Variants in CELF4 observed in about 807,000 individuals in gnomAD.
The protein encoded by CELF4 is CUG-BP- and ETR-3-like factor 4.
CELF4 carries 18 observed loss-of-function variants against 59.9 expected under a neutral mutation model. The ratio of observed to expected loss-of-function variants is 0.30; its 90% confidence interval spans 0.21 to 0.45. The LOEUF (loss-of-function observed/expected upper bound fraction) is 0.45, where lower values mean the gene tolerates loss of function less well. Ranked by LOEUF, CELF4 falls within the 20% of genes least tolerant of loss-of-function variation. The pLI is 1.00. For missense variants in CELF4, 456 were observed against 689.0 expected (o/e 0.66, Z 3.79); for synonymous variants, 261 against 267.1 (o/e 0.98, Z 0.22).
chr18:37,483,843 A>T (rs1484480852), intron 2 of CELF4, among the ~76,000 whole-genome samples: 1 of 152,218 alleles, frequency 6.6e-6, no homozygotes, highest in Admixed American at 6.5e-5. Context: ...TGTGACCTTT[A>T]ATGTAATTAC....
intron 2 of CELF4, among the ~76,000 whole-genome samples, chr18:37,323,189 G>A (rs773395233): frequency 3.3e-5 from 5 of 152,098 alleles, no homozygotes; most frequent in Non-Finnish European, 7.3e-5. Context: ...TGGCCGGGAA[G>A]GACAGAGATG....
intron 1 of CELF4, among the ~76,000 whole-genome samples, chr18:37,549,653 A>T (rs766978495): frequency 3.9e-5 from 6 of 152,170 alleles, no homozygotes; most frequent in Non-Finnish European, 8.8e-5. Flanking sequence ...CAATAGGGAT[A>T]AAAAGAGGTA....
At chr18:37,259,373 GC>G in intron 10 of CELF4, 109 bp from the exon 11 acceptor site, 2 of 257,512 alleles carry the variant, frequency 7.8e-6, no homozygotes, top group Admixed American at 4.3e-5. Flanking sequence ...AGGGGTGGGG[GC>G]AAGGTTAGGA....
At chr18:37,281,619 T>TG (rs1467579347) in intron 3 of CELF4, among the ~76,000 whole-genome samples, 1 of 152,100 alleles carries the variant, frequency 6.6e-6, no homozygotes, top group Non-Finnish European at 1.5e-5. Context: ...GGCAGCAGTT[T>TG]GGGGGTGCAG....
In CELF4 at chr18:37,264,691, G is replaced by A; in HGVS notation, c.1232C>T (p.Pro411Leu). The A allele has an allele frequency of 6.3e-7, 1 of 1,578,066 alleles. No homozygotes were observed. The highest frequency in any genetic ancestry group is 8.6e-7 in the Non-Finnish European group (1 of 1,161,042). Residue 411 changes from proline (P) to leucine (L), a missense_variant, in exon 10 of 13, where the codon CCC (proline) becomes CTC (leucine). Physicochemically the swap from Pro to Leu is moderately conservative, Grantham distance 98 (BLOSUM62 -3). Coordinates refer to ENST00000420428, the MANE Select transcript of CELF4 (RefSeq NM_020180.4). The part of the protein sequence containing the change: ...QAFPQPPPMI[P>L]QQQREGPEGC... ...AGACTCACCTTCTCTCTGCTGCTGG[G>A]GGATCATTGGAGGCGGCTGAGGAAA...
chr18:37,432,597 A>G (rs923990476), intron 2 of CELF4, among the ~76,000 whole-genome samples: 1 of 152,256 alleles, frequency 6.6e-6, no homozygotes, highest in Admixed American at 6.5e-5. Flanking sequence ...AAAGATGCGC[A>G]GGAGAATACA....
At chr18:37,378,226 G>A (rs1173533670) in intron 2 of CELF4, among the ~76,000 whole-genome samples, 2 of 152,228 alleles carry the variant, frequency 1.3e-5, no homozygotes, top group East Asian at 3.9e-4. Flanking sequence ...CTCGCCCCAC[G>A]CCCACCCCAG....
chr18:37,492,833 C>T (rs1351702528), intron 1 of CELF4, among the ~76,000 whole-genome samples: 2 of 152,116 alleles, frequency 1.3e-5, no homozygotes, highest in Non-Finnish European at 2.9e-5. Flanking sequence ...ATTTTCTTAC[C>T]TCAACCATGA....
At chr18:37,313,544 C>G (rs2154495233) in intron 3 of CELF4, among the ~76,000 whole-genome samples, 1 of 152,252 alleles carries the variant, frequency 6.6e-6, no homozygotes, top group Admixed American at 6.5e-5. Flanking sequence ...GGGAGAAACC[C>G]AGTACCAAAA....
At chr18:37,399,093 GA>G (rs2099284522) in intron 2 of CELF4, among the ~76,000 whole-genome samples, 1 of 152,160 alleles carries the variant, frequency 6.6e-6, no homozygotes, top group Admixed American at 6.5e-5. Flanking sequence ...TAACGCACAG[GA>G]GATGCTCACA....
chr18:37,264,786 C>G (rs1334749880), intron 9 of CELF4, 29 bp from the exon 10 acceptor site: 1 of 1,529,446 alleles, frequency 6.5e-7, no homozygotes, highest in Admixed American at 1.9e-5. Context: ...AAGCAAGAGC[C>G]GGCGACAAGG....
rs560547316 is a variant in CELF4 at position 37,479,458 on chromosome 18, C to A, written c.369+6067G>T. Among the ~76,000 whole-genome samples, 4 of 152,324 alleles carry A rather than the reference C, an allele frequency of 2.6e-5. No individual in the cohort carries two copies. In the South Asian group the frequency reaches 8.3e-4, roughly 32 times the overall value. On this transcript the variant is annotated intron_variant, in intron 2 of 12. Transcript: ENST00000420428. ...TAGGATATTTAGCGGCAGCCCTGGCCTCTACCCATTAGATGCCAGTAGCAT... is the reference window on the plus strand; with the variant it reads ...TAGGATATTTAGCGGCAGCCCTGGCATCTACCCATTAGATGCCAGTAGCAT...
intron 1 of CELF4, among the ~76,000 whole-genome samples, chr18:37,560,398 G>A (rs2099986185): frequency 6.6e-6 from 1 of 152,204 alleles, no homozygotes; most frequent in Non-Finnish European, 1.5e-5. Context: ...TTGCTCTTAA[G>A]TAGGACACTT....
chr18:37,321,768 G>C, intron 3 of CELF4, 35 bp downstream of exon 3: 1 of 1,471,718 alleles, frequency 6.8e-7, no homozygotes, highest in South Asian at 1.2e-5. Context: ...GAGTGAGAGG[G>C]GGAGGGGGAG....
chr18:37,255,352 C>A (rs2068569226), intron 11 of CELF4, among the ~76,000 whole-genome samples: 1 of 151,938 alleles, frequency 6.6e-6, no homozygotes, highest in African/African-American at 2.4e-5. Context: ...TTTCCCTCTG[C>A]CCCAGATGCT....
At chr18:37,376,003 CG>C (rs1319056526) in intron 2 of CELF4, among the ~76,000 whole-genome samples, 1 of 152,140 alleles carries the variant, frequency 6.6e-6, no homozygotes, top group Admixed American at 6.5e-5. Flanking sequence ...CGATGTGACC[CG>C]GGACCAGATG....
At chr18:37,498,787 A>T (rs910510731) in intron 1 of CELF4, among the ~76,000 whole-genome samples, 1 of 151,918 alleles carries the variant, frequency 6.6e-6, no homozygotes. Context: ...CTGGCCTGGG[A>T]GGGAGGTGGG....
intron 2 of CELF4, among the ~76,000 whole-genome samples, chr18:37,393,290 T>G (rs547068183): frequency 6.6e-6 from 1 of 152,188 alleles, no homozygotes; most frequent in East Asian, 1.9e-4. Flanking sequence ...CCTGATGGGA[T>G]GTACCTGGCA....
At chr18:37,521,011 A>G (rs1267264049) in intron 1 of CELF4, among the ~76,000 whole-genome samples, 1 of 151,470 alleles carries the variant, frequency 6.6e-6, no homozygotes, top group East Asian at 2.0e-4. Flanking sequence ...ATCCTTTCAA[A>G]CAGATGAAGA....
Sources: gnomAD v4.1 joint callset for allele counts (sites outside exome capture counted in the v4.1 genomes callset) on GRCh38, gnomAD v4.1.1 for gene constraint, MANE v1.5 for transcripts, NCBI Gene and HGNC (gene_info 2026-07-23, HGNC 2026-07-21) for gene names.